TLN2: variants seen among roughly 807,000 people sequenced by gnomAD.
TLN2 encodes talin-2.
Under a neutral mutation model 294.7 loss-of-function variants are expected in TLN2, and 118 were observed. That is an observed-to-expected ratio of 0.40 (90% CI 0.34 to 0.47). The LOEUF (loss-of-function observed/expected upper bound fraction) is 0.47. Ranked by LOEUF, TLN2 falls within the 20% of genes least tolerant of loss-of-function variation. TLN2 has a pLI of 0.84. For synonymous variants in TLN2, 1,431 were observed against 1,304.5 expected (o/e 1.10, Z -2.09); for missense variants, 3,083 against 3,282.2 (o/e 0.94, Z 1.48).
chr15:62,665,358 AT>A (rs756609548), intron 9 of TLN2, among the ~76,000 whole-genome samples: 4 of 152,146 alleles, frequency 2.6e-5, no homozygotes, highest in Non-Finnish European at 5.9e-5. Flanking sequence ...CTCACTTAAC[AT>A]TTTTTTAAAA....
At chr15:62,554,938 T>G (rs2042524566) in intron 1 of TLN2, among the ~76,000 whole-genome samples, 1 of 151,984 alleles carries the variant, frequency 6.6e-6, no homozygotes, top group Admixed American at 6.6e-5. Flanking sequence ...CGTGTACACT[T>G]GCTTTGCTGT....
chr15:62,741,743 T>TTG (rs1317737706), intron 32 of TLN2, among the ~76,000 whole-genome samples: 8 of 1,666 alleles, frequency 4.8e-3, no homozygotes, highest in South Asian at 0.036. Context: ...TTTTTAAAAT[T>TTG]TGCGCGTGTG....
chr15:62,656,517 T>C (rs1049486869), intron 8 of TLN2, among the ~76,000 whole-genome samples: 8 of 152,352 alleles, frequency 5.3e-5, no homozygotes, highest in Middle Eastern at 3.4e-3. Flanking sequence ...CCTTAACTAA[T>C]TGTTAAAACT....
intron 1 of TLN2, among the ~76,000 whole-genome samples, chr15:62,467,872 A>T (rs2037233040): frequency 6.6e-6 from 1 of 152,182 alleles, no homozygotes; most frequent in African/African-American, 2.4e-5. Flanking sequence ...AGATAATTTT[A>T]TAATCCCTGC....
rs1282408821 is a variant in TLN2, at chr15:62,491,347, TATATAC to T, written c.-237-98338_-237-98333del. ...GTCTCAAAAAAAAAAAATATATATA[TATATAC>T]ACACACACACACACACACACACACA... is the stretch of plus-strand genomic sequence containing the variant. On this transcript the variant is annotated intron_variant, in intron 1 of 58. Transcript: ENST00000636159. Among the ~76,000 whole-genome samples, 701 of 82,274 alleles carry T rather than the reference TATATAC, an allele frequency of 8.5e-3. 4 individuals are homozygous for T. The highest frequency in any genetic ancestry group is 0.019 in the African/African-American group (372 of 19,448). 54.0% of individuals were successfully genotyped at this position (82,274 alleles called of 152,430 possible).
chr15:62,397,896 A>T, intron 1 of TLN2, among the ~76,000 whole-genome samples: 1 of 152,160 alleles, frequency 6.6e-6, no homozygotes, highest in South Asian at 2.1e-4. Context: ...CCTGGCTTAG[A>T]TGGCTGTTAT....
chr15:62,588,328 T>A (rs1402744683), intron 1 of TLN2, among the ~76,000 whole-genome samples: 4 of 152,100 alleles, frequency 2.6e-5, no homozygotes, highest in Non-Finnish European at 4.4e-5. Context: ...AAGACTGTTT[T>A]AGTCTGTTTT....
chr15:62,833,524 C>G lies in TLN2; in HGVS notation c.7023C>G (p.Asp2341Glu), dbSNP rs752773356. The change falls in exon 55 of 59, where the codon GAC becomes GAG. Residue 2341 changes from aspartate (D) to glutamate (E), a missense_variant. Transcript: ENST00000636159. ...AKPKQADETLDFEEQILEAAK... is the reference protein window; with the variant it reads ...AKPKQADETLEFEEQILEAAK... ...TATAGCAAGCGGATGAGACCCTGGA[C>G]TTTGAGGAACAGATCTTGGAAGCTG... The G allele has an allele frequency of 9.3e-6, 15 of 1,613,982 alleles. No individual in the cohort carries two copies. Among genetic ancestry groups the G allele is most frequent in the African/African-American group, 1.3e-5 (1 of 74,936 alleles).
chr15:62,491,421 C>A (rs1473161808), intron 1 of TLN2, among the ~76,000 whole-genome samples: 1 of 149,110 alleles, frequency 6.7e-6, no homozygotes, highest in African/African-American at 2.5e-5. Context: ...ACATTGGTAC[C>A]TTCTGGAAAG....
intron 2 of TLN2, among the ~76,000 whole-genome samples, chr15:62,613,852 CAAA>C (rs774755284): frequency 6.2e-5 from 5 of 80,436 alleles, no homozygotes; most frequent in Admixed American, 1.3e-4. Context: ...GAAGCCAGGC[CAAA>C]AAAAAAAAAA....
At chr15:62,839,863 G>C (rs548423049) in intron 58 of TLN2, among the ~76,000 whole-genome samples, 23 of 152,294 alleles carry the variant, frequency 1.5e-4, no homozygotes, top group African/African-American at 5.3e-4. Flanking sequence ...ACCCTGCCCT[G>C]GTAATAATGA....
At chr15:62,404,713 C>T (rs974616881) in intron 1 of TLN2, among the ~76,000 whole-genome samples, 1 of 149,776 alleles carries the variant, frequency 6.7e-6, no homozygotes, top group East Asian at 2.0e-4. Context: ...CCAAGGGGGG[C>T]GTGGATTATT....
At chr15:62,422,662 A>C (rs111370369) in intron 1 of TLN2, among the ~76,000 whole-genome samples, 1,950 of 152,286 alleles carry the variant, frequency 0.013, 40 homozygotes, top group African/African-American at 0.045. Flanking sequence ...CTGGCACTCC[A>C]GCAGCAATGC....
At chr15:62,786,147 C>G (rs570471695) in intron 45 of TLN2, among the ~76,000 whole-genome samples, 6 of 152,216 alleles carry the variant, frequency 3.9e-5, no homozygotes, top group Admixed American at 2.6e-4. Flanking sequence ...TTGGGGAAAA[C>G]TGAGAAGGTT....
chr15:62,677,806 C>CTTTTTT lies in TLN2; in HGVS notation c.957+2495_957+2500dup, dbSNP rs3055781. On this transcript the variant is annotated intron_variant, in intron 11 of 58. Transcript: ENST00000636159. ...TTAAGAAAGTAGGCAGCACTTGCAA[C>CTTTTTT]TTTTTTTTTTTTTTTGAGACGGAGA... Among the ~76,000 whole-genome samples, 4 of 75,268 alleles carry CTTTTTT rather than the reference C, an allele frequency of 5.3e-5. 1 individual carries two copies. Among genetic ancestry groups the CTTTTTT allele is most frequent in the Non-Finnish European group, 9.6e-5 (4 of 41,466 alleles). The allele number at this position is 75,268 out of a possible 152,430, so 49.4% of individuals were successfully genotyped here.
At chr15:62,614,849 T>G (rs2048186240) in intron 2 of TLN2, among the ~76,000 whole-genome samples, 1 of 152,136 alleles carries the variant, frequency 6.6e-6, no homozygotes, top group South Asian at 2.1e-4. Context: ...GAGATGGAGT[T>G]TCGCTCTGTG....
At position 62,784,008 on chromosome 15, in the gene TLN2, G is replaced by C. The variant is rs770528256; in HGVS notation, c.5736+118G>C. Reference sequence around the variant, plus strand: ...ACCCCAGCCCAGTAACCAGAGCCCAGTTTATTTCCCCACCACTGCACAGCA... The same window carrying C: ...ACCCCAGCCCAGTAACCAGAGCCCACTTTATTTCCCCACCACTGCACAGCA... On this transcript the variant is annotated intron_variant, in intron 45 of 58. Transcript: ENST00000636159. The C allele has an allele frequency of 3.9e-6, 6 of 1,533,470 alleles. No homozygotes were observed. In the African/African-American group the frequency reaches 5.4e-5, roughly 14 times the overall value. The allele number at this position is 1,533,470 out of a possible 1,614,324, so 95.0% of individuals were successfully genotyped here.
intron 1 of TLN2, among the ~76,000 whole-genome samples, chr15:62,566,230 AAGTT>A (rs1446117118): frequency 1.4e-4 from 22 of 152,026 alleles, no homozygotes; most frequent in South Asian, 1.0e-3. Flanking sequence ...GCTGGGGAGA[AAGTT>A]AGAAGGCTAC....
At chr15:62,716,584 T>C (rs2059786746) in intron 23 of TLN2, 125 bp downstream of exon 23, 1 of 1,326,630 alleles carries the variant, frequency 7.5e-7, no homozygotes, top group Non-Finnish European at 9.9e-7. Context: ...ACATCATTGT[T>C]TGAAGGTTTG....
Sources: gnomAD v4.1 joint callset for allele counts (sites outside exome capture counted in the v4.1 genomes callset) on GRCh38, gnomAD v4.1.1 for gene constraint, MANE v1.5 for transcripts, NCBI Gene and HGNC (gene_info 2026-07-23, HGNC 2026-07-21) for gene names.